Variants in PRKAR2A observed in about 807,000 individuals in gnomAD.
PRKAR2A encodes the protein cAMP-dependent protein kinase type II-alpha regulatory subunit.
In PRKAR2A, 29 loss-of-function variants were observed where a neutral mutation model predicts 51.9. The observed-to-expected ratio is 0.56, with a 90% CI of 0.42 to 0.76. The LOEUF (loss-of-function observed/expected upper bound fraction) is 0.76, where lower values mean the gene tolerates loss of function less well. Among genes scored for constraint, PRKAR2A ranks in the 30% least tolerant of loss-of-function variants. PRKAR2A has a pLI of 0.00. For synonymous variants in PRKAR2A, 178 were observed against 186.2 expected (o/e 0.96, Z 0.36); for missense variants, 445 against 512.1 (o/e 0.87, Z 1.26).
chr3:48,841,123 TGA>T (rs1434344187), intron 1 of PRKAR2A, among the ~76,000 whole-genome samples: 1 of 150,768 alleles, frequency 6.6e-6, no homozygotes, highest in Non-Finnish European at 1.5e-5. Context: ...TGACCTCAGG[TGA>T]TCCGCCCGCC....
At chr3:48,807,509 T>C (rs1245925821) in intron 2 of PRKAR2A, 140 bp downstream of exon 2, 13 of 665,080 alleles carry the variant, frequency 2.0e-5, no homozygotes, top group Non-Finnish European at 3.3e-5. Context: ...AAAAACAGAA[T>C]AAAGAAACCA....
At chr3:48,773,334 CTTTT>C (rs2082056920) in intron 5 of PRKAR2A, among the ~76,000 whole-genome samples, 1 of 121,028 alleles carries the variant, frequency 8.3e-6, no homozygotes, top group Non-Finnish European at 1.7e-5. Flanking sequence ...TTGGAATTTT[CTTTT>C]CTTTTTTTTT....
intron 1 of PRKAR2A, among the ~76,000 whole-genome samples, chr3:48,829,588 A>ATATATACACACATAAATGTGTGTG: frequency 1.1e-4 from 1 of 8,838 alleles, no homozygotes; most frequent in African/African-American, 5.2e-4. Context: ...ATATGTGTGT[A>ATATATACACACATAAATGTGTGTG]TATATACACA....
intron 9 of PRKAR2A, among the ~76,000 whole-genome samples, chr3:48,753,665 G>A (rs1480499585): frequency 6.6e-6 from 1 of 152,062 alleles, no homozygotes; most frequent in Non-Finnish European, 1.5e-5. Flanking sequence ...CCCGTATTAC[G>A]CAGGTTTTCT....
Position 48,751,565 on chromosome 3 carries a change from G to A in PRKAR2A, c.*20C>T. 6.2e-7 allele frequency: 1 copy of A among 1,605,908 alleles called. No individual in the cohort carries two copies. Among genetic ancestry groups the A allele is most frequent in the Non-Finnish European group, 8.5e-7 (1 of 1,174,392 alleles). ...GAAGGTTTTGGTGTCACACTAAGAA[G>A]GCTCTGGGGTGTGGCACACCTACTG... On this transcript the variant is annotated 3_prime_UTR_variant, in exon 11 of 11. Transcript: ENST00000265563.
intron 2 of PRKAR2A, among the ~76,000 whole-genome samples, chr3:48,806,122 TCTTAA>T (rs1269496913): frequency 6.6e-6 from 1 of 152,188 alleles, no homozygotes; most frequent in East Asian, 1.9e-4. Flanking sequence ...ATATTGACTC[TCTTAA>T]CATAACATAT....
chr3:48,790,501 T>TAAA lies in PRKAR2A; in HGVS notation c.435+40_435+42dup, dbSNP rs762145911. ...TTTAAGTGACAAATAGGAGCAAAGC[T>TAAA]AAAAGATCATTATAATAAAAATACT... On this transcript the variant is annotated intron_variant, in intron 4 of 10. Coordinates refer to ENST00000265563, the MANE Select transcript of PRKAR2A (RefSeq NM_004157.4). The TAAA allele has an allele frequency of 4.3e-6, 6 of 1,399,044 alleles. No homozygotes were observed. In the African/African-American group the frequency reaches 4.4e-5, roughly 10 times the overall value. The allele number at this position is 1,399,044 out of a possible 1,614,324, so 86.7% of individuals were successfully genotyped here.
chr3:48,792,989 GTT>G (rs57029736), intron 3 of PRKAR2A, among the ~76,000 whole-genome samples: 3 of 140,944 alleles, frequency 2.1e-5, no homozygotes, highest in South Asian at 2.3e-4. Flanking sequence ...AAAACACTAA[GTT>G]TTTTTTTTTT....
At chr3:48,842,128 C>T (rs557317546) in intron 1 of PRKAR2A, among the ~76,000 whole-genome samples, 39 of 152,240 alleles carry the variant, frequency 2.6e-4, no homozygotes, top group African/African-American at 6.5e-4. Flanking sequence ...AGGTCCTTCA[C>T]GTCCCTTGTA....
At position 48,747,319 on chromosome 3, in the gene PRKAR2A, T is replaced by C. The variant is rs577493658; in HGVS notation, c.*4266A>G. On this transcript the variant is annotated 3_prime_UTR_variant, in exon 11 of 11. Transcript: ENST00000265563. The stretch of plus-strand genomic sequence containing the variant: ...GATGACATTCATGGATCTTTTTATT[T>C]TTCTCTGTGCAAAATGCTCTTCTTT... The C allele has an allele frequency of 3.3e-5, 5 of 152,278 alleles. No individual in the cohort carries two copies. Among genetic ancestry groups the C allele is most frequent in the African/African-American group, 1.2e-4 (5 of 41,554 alleles). The allele number at this position is 152,278 out of a possible 1,614,324, so 9.4% of individuals were successfully genotyped here.
At chr3:48,819,156 C>T (rs2107397164) in intron 1 of PRKAR2A, among the ~76,000 whole-genome samples, 1 of 152,242 alleles carries the variant, frequency 6.6e-6, no homozygotes, top group East Asian at 1.9e-4. Flanking sequence ...GCTGGGATTA[C>T]AGGCGCCAAC....
At position 48,757,945 on chromosome 3, in the gene PRKAR2A, A is replaced by G. The variant is rs1034751176; in HGVS notation, c.874-1501T>C. 7.9e-5 allele frequency among the ~76,000 whole-genome samples: 12 copies of G among 152,122 alleles called. 1 individual carries two copies. The South Asian group carries it at 2.5e-3, about 32-fold the overall frequency. ...GTGATGCATGCCTGTAATCCCAGCT[A>G]CTTGGGAGGCTGAGGCAGAAGAATA... On this transcript the variant is annotated intron_variant, in intron 8 of 10. Coordinates refer to ENST00000265563, the MANE Select transcript of PRKAR2A (RefSeq NM_004157.4).
intron 1 of PRKAR2A, among the ~76,000 whole-genome samples, chr3:48,821,429 C>G (rs1020752225): frequency 6.6e-6 from 1 of 152,172 alleles, no homozygotes; most frequent in Non-Finnish European, 1.5e-5. Flanking sequence ...TACTGATAAT[C>G]CAATTTCCCA....
At chr3:48,793,100 T>C (rs2082418271) in intron 3 of PRKAR2A, among the ~76,000 whole-genome samples, 1 of 151,740 alleles carries the variant, frequency 6.6e-6, no homozygotes, top group Non-Finnish European at 1.5e-5. Flanking sequence ...TACATACATA[T>C]ATACAAATAA....
At chr3:48,819,578 G>T (rs903838466) in intron 1 of PRKAR2A, among the ~76,000 whole-genome samples, 2 of 152,112 alleles carry the variant, frequency 1.3e-5, no homozygotes, top group African/African-American at 4.8e-5. Context: ...TACATTTTTT[G>T]AAATAAATTC....
At chr3:48,842,938 T>C (rs1317484816) in intron 1 of PRKAR2A, among the ~76,000 whole-genome samples, 1 of 152,202 alleles carries the variant, frequency 6.6e-6, no homozygotes, top group African/African-American at 2.4e-5. Context: ...TAAAATGAGT[T>C]AGGGAGGATT....
intron 6 of PRKAR2A, among the ~76,000 whole-genome samples, chr3:48,768,799 C>T (rs947158559): frequency 1.4e-4 from 21 of 151,936 alleles, no homozygotes; most frequent in African/African-American, 5.1e-4. Flanking sequence ...AGTACAATTG[C>T]AATAGCAAAC....
At chr3:48,757,005 G>A (rs1455351251) in intron 8 of PRKAR2A, among the ~76,000 whole-genome samples, 1 of 152,162 alleles carries the variant, frequency 6.6e-6, no homozygotes, top group Non-Finnish European at 1.5e-5. Flanking sequence ...TTTCTGCCCT[G>A]CTATGTTGGG....
rs931844825 is a variant in PRKAR2A, at chr3:48,746,965, G to A, written c.*4620C>T. 3.3e-5 allele frequency: 5 copies of A among 150,518 alleles called. No individual in the cohort carries two copies. Among genetic ancestry groups the A allele is most frequent in the South Asian group, 4.2e-4 (2 of 4,772 alleles). The allele number at this position is 150,518 out of a possible 1,614,324, so 9.3% of individuals were successfully genotyped here. A position where few individuals can be genotyped will look rare whatever the true frequency, so the allele number is the denominator to read the frequency against. On this transcript the variant is annotated 3_prime_UTR_variant, in exon 11 of 11. Coordinates refer to ENST00000265563, the MANE Select transcript of PRKAR2A (RefSeq NM_004157.4). The stretch of plus-strand genomic sequence containing the variant: ...TACAGTGAGCTTAAAAAAACAACAC[G>A]GAATCTACCCTTTGCTCAAGGTGGG...
Sources: allele counts gnomAD v4.1 joint callset (sites outside exome capture counted in the v4.1 genomes callset), GRCh38; gene constraint gnomAD v4.1.1; transcripts MANE v1.5; gene names NCBI Gene and HGNC (gene_info 2026-07-23, HGNC 2026-07-21).